The following CCDC170 variants were observed in gnomAD, a reference collection of about 807,000 sequenced individuals.
CCDC170 encodes the protein coiled-coil domain containing 170.
CCDC170 carries 69 observed loss-of-function variants against 72.6 expected under a neutral mutation model. The observed-to-expected ratio is 0.95, with a 90% confidence interval of 0.78 to 1.16. The LOEUF (loss-of-function observed/expected upper bound fraction) is 1.16, where lower values mean the gene tolerates loss of function less well. CCDC170 is among the 50% of genes most tolerant of loss of function. The probability of loss-of-function intolerance (pLI) is 0.00; values close to 1 mark genes in which losing one functional copy is unlikely to be tolerated. For synonymous variants in CCDC170, 300 were observed against 303.9 expected (o/e 0.99, Z 0.13); for missense variants, 852 against 832.5 (o/e 1.02, Z -0.29).
chr6:151,558,970 G>T (rs1783032574), intron 5 of CCDC170, among the ~76,000 whole-genome samples: 1 of 150,442 alleles, frequency 6.6e-6, no homozygotes, highest in South Asian at 2.1e-4. Context: ...TTAATCTGTA[G>T]ACTGCTTTGG....
chr6:151,585,876 T>C lies in CCDC170; in HGVS notation c.1093-13T>C, dbSNP rs1371089288. The C allele has an allele frequency of 6.2e-7, 1 of 1,611,628 alleles. No homozygotes were observed. The highest frequency in any genetic ancestry group is 1.7e-5 in the Admixed American group (1 of 59,860). Reference sequence around the variant, plus strand: ...AAACAAGGCTTATTCTTGATCTGTTTCTTTGTTTCCAGATGGTCTCCCAGC... The same window carrying C: ...AAACAAGGCTTATTCTTGATCTGTTCCTTTGTTTCCAGATGGTCTCCCAGC... On this transcript the variant is annotated splice_polypyrimidine_tract_variant and intron_variant, in intron 6 of 10. Coordinates refer to ENST00000239374, the MANE Select transcript of CCDC170 (RefSeq NM_025059.4).
chr6:151,573,899 T>C (rs1423523353), intron 6 of CCDC170, among the ~76,000 whole-genome samples: 1 of 152,188 alleles, frequency 6.6e-6, no homozygotes, highest in East Asian at 1.9e-4. Context: ...AGATGAGATT[T>C]GGGTGGAGAC....
chr6:151,599,871 C>T lies in CCDC170; in HGVS notation c.1710+3294C>T, dbSNP rs144269956. Among the ~76,000 whole-genome samples the T allele has an allele frequency of 6.6e-5, 10 of 152,190 alleles. No homozygotes were observed. The East Asian group carries it at 1.7e-3, about 26-fold the overall frequency. On this transcript the variant is annotated intron_variant, in intron 9 of 10. Coordinates refer to ENST00000239374, the MANE Select transcript of CCDC170 (RefSeq NM_025059.4). ...AAACAAAGACAGTGCAATACCCTTCCGGGATACTTGGATGAAAAGAAGAGA... is the reference window on the plus strand; with the variant it reads ...AAACAAAGACAGTGCAATACCCTTCTGGGATACTTGGATGAAAAGAAGAGA...
intron 1 of CCDC170, among the ~76,000 whole-genome samples, chr6:151,529,423 C>T (rs901420285): frequency 6.6e-5 from 10 of 152,152 alleles, no homozygotes; most frequent in African/African-American, 2.2e-4. Context: ...CTTTGGGAGG[C>T]TGTGGTGGGA....
intron 5 of CCDC170, among the ~76,000 whole-genome samples, chr6:151,564,423 G>A (rs1776094694): frequency 6.6e-6 from 1 of 152,084 alleles, no homozygotes; most frequent in Non-Finnish European, 1.5e-5. Flanking sequence ...CCTGTTCTTA[G>A]GCCGCAGGGT....
At chr6:151,506,040 G>T (rs1401870706) in intron 1 of CCDC170, among the ~76,000 whole-genome samples, 39 of 152,126 alleles carry the variant, frequency 2.6e-4, no homozygotes, top group Admixed American at 2.6e-3. Context: ...GTTCAAGGCT[G>T]CAGTGAGCTA....
chr6:151,547,268 A>C (rs572168807), intron 4 of CCDC170, among the ~76,000 whole-genome samples: 1 of 152,346 alleles, frequency 6.6e-6, no homozygotes, highest in East Asian at 1.9e-4. Flanking sequence ...GCAGTGAATG[A>C]GACAAGACTA....
chr6:151,516,520 T>C (rs1272956537), intron 1 of CCDC170, among the ~76,000 whole-genome samples: 1 of 151,964 alleles, frequency 6.6e-6, no homozygotes, highest in East Asian at 1.9e-4. Context: ...GTTGAAGCGG[T>C]GTTGTTGTCT....
intron 1 of CCDC170, among the ~76,000 whole-genome samples, chr6:151,502,211 T>A (rs1782003038): frequency 6.6e-6 from 1 of 152,218 alleles, no homozygotes; most frequent in Non-Finnish European, 1.5e-5. Flanking sequence ...GTTTAGAGAC[T>A]GCAGTGAACC....
Position 151,548,488 on chromosome 6 carries a change from AG to A in CCDC170, c.774+1del. On this transcript the variant is annotated frameshift_variant and splice_region_variant, in exon 5 of 11. Transcript: ENST00000239374. LOFTEE classifies it high-confidence loss of function. The part of the protein sequence containing the change: ...SCTEEKEKLN[Q>X]DLLSAVEAKE... ...ACTGAAGAGAAAGAGAAGCTGAACC[AG>A]GTATGATATGTGAAGTATACGTGTG... is the stretch of plus-strand genomic sequence containing the variant. The A allele has an allele frequency of 6.4e-7, 1 of 1,573,844 alleles. No homozygotes were observed. The highest frequency in any genetic ancestry group is 8.6e-7 in the Non-Finnish European group (1 of 1,162,580).
intron 3 of CCDC170, among the ~76,000 whole-genome samples, chr6:151,543,496 T>G (rs1163655518): frequency 6.6e-6 from 1 of 152,160 alleles, no homozygotes; most frequent in African/African-American, 2.4e-5. Context: ...GAAACTAAAT[T>G]CTTGTTAACT....
chr6:151,548,559 T>A (rs1308759352), intron 5 of CCDC170, 70 bp downstream of exon 5: 8 of 1,358,876 alleles, frequency 5.9e-6, no homozygotes, highest in Non-Finnish European at 7.9e-6. Context: ...GAGATGGATG[T>A]CAGATAAGTG....
Position 151,573,410 on chromosome 6 carries a change from A to T in CCDC170, c.1011A>T (p.Arg337Ser). The T allele has an allele frequency of 6.2e-7, 1 of 1,614,172 alleles. No homozygotes were observed. Among genetic ancestry groups the T allele is most frequent in the Non-Finnish European group, 8.5e-7 (1 of 1,180,022 alleles). ...AAATCGCAGCCCTCCTTAGGGGCAG[A>T]TTGAGCATGACTGGGTCCACTGAGG... ...REKIAALLRG[R>S]LSMTGSTEDT... is the part of the protein sequence containing the mutation. Residue 337 changes from arginine (R) to serine (S), a missense_variant, in exon 6 of 11, where the codon AGA (arginine) becomes AGT (serine). Physicochemically the swap from Arg to Ser is moderately radical, Grantham distance 110. Transcript: ENST00000239374.
rs368287954 is a variant in CCDC170, at chr6:151,533,122, C to T, written c.58-3196C>T. The stretch of plus-strand genomic sequence containing the variant: ...AGGTTGGAGTGCAGTGGCACGGTCT[C>T]GGCTTACTGCAAGCTCCACCTCCCA... On this transcript the variant is annotated intron_variant, in intron 1 of 10. Coordinates refer to ENST00000239374, the MANE Select transcript of CCDC170 (RefSeq NM_025059.4). Among the ~76,000 whole-genome samples the T allele has an allele frequency of 6.7e-5, 10 of 148,914 alleles. No individual in the cohort carries two copies. The South Asian group carries it at 8.5e-4, about 13-fold the overall frequency.
intron 6 of CCDC170, among the ~76,000 whole-genome samples, chr6:151,574,381 G>T (rs1776272111): frequency 6.6e-6 from 1 of 152,176 alleles, no homozygotes; most frequent in Non-Finnish European, 1.5e-5. Flanking sequence ...AGCTTGGGTA[G>T]GTTCTTGAGT....
At chr6:151,586,183 G>A in intron 7 of CCDC170, 94 bp downstream of exon 7, 3 of 1,299,810 alleles carry the variant, frequency 2.3e-6, no homozygotes, top group Non-Finnish European at 3.2e-6. Flanking sequence ...ATTTAGTTTG[G>A]TTAAGTCCTG....
intron 7 of CCDC170, among the ~76,000 whole-genome samples, chr6:151,591,154 C>A (rs939942547): frequency 6.6e-6 from 1 of 152,138 alleles, no homozygotes; most frequent in African/African-American, 2.4e-5. Flanking sequence ...TAGTTCTGGG[C>A]TTTAATCTGG....
rs900201872 is a variant in CCDC170 at position 151,611,153 on chromosome 6, G to A, written c.1711-4290G>A. 2.6e-5 allele frequency among the ~76,000 whole-genome samples: 4 copies of A among 152,070 alleles called. No individual in the cohort carries two copies. The East Asian group carries it at 7.7e-4, about 29-fold the overall frequency. ...TAGCCAGGAGTGGTGGCGTGCGCCT[G>A]CAGTCCAGCTACTCTGGAGGCTGAG... On this transcript the variant is annotated intron_variant, in intron 9 of 10. Coordinates refer to ENST00000239374, the MANE Select transcript of CCDC170 (RefSeq NM_025059.4).
intron 5 of CCDC170, among the ~76,000 whole-genome samples, chr6:151,557,851 C>A (rs190097947): frequency 1.6e-4 from 25 of 152,278 alleles, no homozygotes; most frequent in Non-Finnish European, 3.7e-4. Flanking sequence ...CAAATCCCAG[C>A]ACTTTGGGAG....
Sources: allele counts gnomAD v4.1 joint callset (sites outside exome capture counted in the v4.1 genomes callset), GRCh38; gene constraint gnomAD v4.1.1; transcripts MANE v1.5; gene names NCBI Gene and HGNC (gene_info 2026-07-23, HGNC 2026-07-21).